MCFD2: variants seen among roughly 807,000 people sequenced by gnomAD.
MCFD2 encodes the protein multiple coagulation factor deficiency protein 2.
MCFD2 carries 11 observed loss-of-function variants against 12.8 expected under a neutral mutation model. That is an observed-to-expected ratio of 0.86 (90% CI 0.54 to 1.42). MCFD2 has a LOEUF of 1.42. Ranked by LOEUF, MCFD2 falls within the 40% of genes most tolerant of loss-of-function variation. The probability of loss-of-function intolerance (pLI) is 0.00; values close to 1 mark genes in which losing one functional copy is unlikely to be tolerated. For synonymous variants in MCFD2, 70 were observed against 68.1 expected, an observed-to-expected ratio of 1.03 and a Z score of -0.14; for missense variants, 191 against 178.6, an observed-to-expected ratio of 1.07 and a Z score of -0.40.
chr2:46,930,782 G>T (rs1669659075), intron 1 of MCFD2, among the ~76,000 whole-genome samples: 1 of 152,086 alleles, frequency 6.6e-6, no homozygotes, highest in African/African-American at 2.4e-5. Flanking sequence ...TTACAGGCGT[G>T]AGCCACCGCA....
intron 1 of MCFD2, among the ~76,000 whole-genome samples, chr2:46,910,022 C>A (rs529045977): frequency 6.6e-6 from 1 of 152,120 alleles, no homozygotes; most frequent in Non-Finnish European, 1.5e-5. Context: ...TCAAGGTCTG[C>A]GGCAGCGGAC....
intron 1 of MCFD2, among the ~76,000 whole-genome samples, chr2:46,921,917 C>A (rs1182264286): frequency 6.6e-6 from 1 of 152,216 alleles, no homozygotes. Flanking sequence ...CTCACTCGCC[C>A]ACCCAGTGCT....
At chr2:46,915,436 C>T (rs770828228) in intron 1 of MCFD2, among the ~76,000 whole-genome samples, 4 of 152,152 alleles carry the variant, frequency 2.6e-5, no homozygotes, top group Non-Finnish European at 5.9e-5. Context: ...GCAGTGTCCA[C>T]CCGACACAGC....
In MCFD2 at chr2:46,904,041, AC is replaced by A. The variant is rs1668115830; in HGVS notation, c.*1421del. The A allele has an allele frequency of 1.3e-5, 2 of 152,238 alleles. No individual in the cohort carries two copies. The highest frequency in any genetic ancestry group is 2.9e-5 in the Non-Finnish European group (2 of 68,098). The allele number at this position is 152,238 out of a possible 1,614,324, so 9.4% of individuals were successfully genotyped here. ...AGCCATGGCTGAAAGGGGCCAACAT[AC>A]AGCTCGGGCTGTGGCTTCAGAGTGG... On this transcript the variant is annotated 3_prime_UTR_variant, in exon 4 of 4. Transcript: ENST00000319466.
intron 3 of MCFD2, among the ~76,000 whole-genome samples, chr2:46,906,243 C>A (rs553804629): frequency 1.4e-4 from 21 of 152,254 alleles, no homozygotes; most frequent in African/African-American, 4.8e-4. Context: ...ATTCCTCCGC[C>A]TAACACTAGT....
Position 46,905,077 on chromosome 2 carries a change from T to C in MCFD2, c.*386A>G. The C allele has an allele frequency of 3.0e-6, 1 of 331,006 alleles. No homozygotes were observed. The highest frequency in any genetic ancestry group is 4.2e-5 in the Admixed American group (1 of 23,596). 20.5% of individuals were successfully genotyped at this position (331,006 alleles called of 1,614,324 possible). ...CTTTTGCTTCTTCCTCATTTTCTCTTGCTGCCATGTAAGAAGTGCCTTTCA... is the reference window on the plus strand; with the variant it reads ...CTTTTGCTTCTTCCTCATTTTCTCTCGCTGCCATGTAAGAAGTGCCTTTCA... On this transcript the variant is annotated 3_prime_UTR_variant, in exon 4 of 4. Transcript: ENST00000319466.
rs1670062704 is a variant in MCFD2 at position 46,937,924 on chromosome 2, G to GTA, written c.-8+3646_-8+3647dup. ...GTCATGGACTGAAGAAAACTACTGTGTATATATATGTAAAAGAGAGAAGTC... is the reference window on the plus strand; with the variant it reads ...GTCATGGACTGAAGAAAACTACTGTGTATATATATATGTAAAAGAGAGAAGTC... On this transcript the variant is annotated intron_variant, in intron 1 of 2. Coordinates refer to the MCFD2 transcript ENST00000409147. The surrounding 1 kb of genome is among the most constrained non-coding windows in gnomAD (Gnocchi z 4.0). 6.6e-6 allele frequency among the ~76,000 whole-genome samples: 1 copy of GTA among 152,090 alleles called. No homozygotes were observed. Among genetic ancestry groups the GTA allele is most frequent in the African/African-American group, 2.4e-5 (1 of 41,400 alleles).
At chr2:46,909,809 C>T (rs1365343785) in intron 1 of MCFD2, among the ~76,000 whole-genome samples, 2 of 152,150 alleles carry the variant, frequency 1.3e-5, no homozygotes, top group Non-Finnish European at 2.9e-5. Context: ...CTGTACTGGA[C>T]AGGGCTTTGC....
upstream of MCFD2, among the ~76,000 whole-genome samples, chr2:46,918,258 C>T (rs59161545): frequency 0.027 from 4,167 of 152,262 alleles, 109 homozygotes; most frequent in African/African-American, 0.067. Context: ...TAAAATTCTA[C>T]GAGCTGTTTT....
intron 1 of MCFD2, among the ~76,000 whole-genome samples, chr2:46,933,135 G>C (rs1669799154): frequency 6.6e-6 from 1 of 152,174 alleles, no homozygotes; most frequent in Non-Finnish European, 1.5e-5. Flanking sequence ...GAAATCATGG[G>C]CTCCTGCTCT....
At chr2:46,932,826 A>G (rs922837511) in intron 1 of MCFD2, among the ~76,000 whole-genome samples, 12 of 149,880 alleles carry the variant, frequency 8.0e-5, no homozygotes, top group Non-Finnish European at 1.3e-4. Context: ...GCTTGAACCC[A>G]GGAGGCAGAG....
Position 46,915,805 on chromosome 2 carries a change from C to CGGGGGGGGGGGGGCGGGGG in MCFD2, c.-90_-89insCCCCCGCCCCCCCCCCCCC. The CGGGGGGGGGGGGGCGGGGG allele has an allele frequency of 2.7e-6, 1 of 368,316 alleles. No individual in the cohort carries two copies. The highest frequency in any genetic ancestry group is 3.1e-6 in the Non-Finnish European group (1 of 327,196). The allele number at this position is 368,316 out of a possible 1,614,324, so 22.8% of individuals were successfully genotyped here. A position where few individuals can be genotyped will look rare whatever the true frequency, so the allele number is the denominator to read the frequency against. ...TCCCCAAAACGCTCTTCCTCGGCTTCGCCCCGCCCCCCCCCCCCCCCCGAC... is the reference window on the plus strand; with the variant it reads ...TCCCCAAAACGCTCTTCCTCGGCTTCGGGGGGGGGGGGGCGGGGGGCCCCGCCCCCCCCCCCCCCCCGAC... On this transcript the variant is annotated 5_prime_UTR_variant, in exon 1 of 4. Coordinates refer to ENST00000319466, the MANE Select transcript of MCFD2 (RefSeq NM_139279.6).
At chr2:46,913,264 C>G (rs554744663) in intron 1 of MCFD2, among the ~76,000 whole-genome samples, 2 of 152,080 alleles carry the variant, frequency 1.3e-5, no homozygotes, top group Non-Finnish European at 2.9e-5. Context: ...AACAGGGAAT[C>G]GGGCTGGGCA....
chr2:46,925,565 A>T (rs981511071), intron 1 of MCFD2, among the ~76,000 whole-genome samples: 4 of 152,098 alleles, frequency 2.6e-5, no homozygotes, highest in Admixed American at 2.6e-4. Context: ...ATAAATAAAT[A>T]AATAATATGT....
At chr2:46,915,958 C>A (rs1030659300), upstream of MCFD2, 6 of 985,306 alleles carry the variant, frequency 6.1e-6, no homozygotes, top group African/African-American at 1.0e-4. Flanking sequence ...CCAGCACTGG[C>A]GGGACTGACG....
chr2:46,908,597 A>G lies in MCFD2; in HGVS notation c.149+426T>C. ...AAAGGATAACCGAGTATAATGCGTG[A>G]GGCTAACTGGCCCAAGACAAAAGCT... On this transcript the variant is annotated intron_variant, in intron 2 of 3. Coordinates refer to ENST00000319466, the MANE Select transcript of MCFD2 (RefSeq NM_139279.6). The surrounding 1 kb of genome is among the most constrained non-coding windows in gnomAD (Gnocchi z 4.5). The G allele has an allele frequency of 6.5e-6, 2 of 309,558 alleles. No individual in the cohort carries two copies. The highest frequency in any genetic ancestry group is 2.9e-5 in the South Asian group (1 of 34,748). 19.2% of individuals were successfully genotyped at this position (309,558 alleles called of 1,614,324 possible). A position where few individuals can be genotyped will look rare whatever the true frequency, so the allele number is the denominator to read the frequency against.
intron 1 of MCFD2, among the ~76,000 whole-genome samples, chr2:46,931,668 G>A (rs1486704595): frequency 1.3e-5 from 2 of 148,366 alleles, no homozygotes; most frequent in Non-Finnish European, 3.0e-5. Context: ...CTGGTTCTTT[G>A]GGGGAAAAAA....
intron 1 of MCFD2, 61 bp from the exon 2 acceptor site, chr2:46,909,238 G>A: frequency 1.3e-6 from 2 of 1,548,142 alleles, no homozygotes; most frequent in South Asian, 1.2e-5. Context: ...TTCGTTCAGG[G>A]CTTGACATGG....
At chr2:46,915,468 G>A (rs908986874) in intron 1 of MCFD2, among the ~76,000 whole-genome samples, 1 of 152,178 alleles carries the variant, frequency 6.6e-6, no homozygotes, top group Non-Finnish European at 1.5e-5. Flanking sequence ...GCCGATCCTC[G>A]GGCCCCTAGG....
Sources: gnomAD v4.1 joint callset for allele counts (sites outside exome capture counted in the v4.1 genomes callset) on GRCh38, gnomAD v4.1.1 for gene constraint, Gnocchi (gnomAD v3.1) non-coding constraint, MANE v1.5 for transcripts, NCBI Gene and HGNC (gene_info 2026-07-23, HGNC 2026-07-21) for gene names.